Variants in LRRC37A2 observed in about 807,000 individuals in gnomAD.
LRRC37A2 encodes the protein leucine-rich repeat-containing protein 37A2.
LRRC37A2 carries 9 observed loss-of-function variants against 68.8 expected under a neutral mutation model. The ratio of observed to expected loss-of-function variants is 0.13; its 90% CI spans 0.08 to 0.23. The LOEUF is 0.23. LRRC37A2 is among the 10% of genes least tolerant of loss of function. The pLI, the probability that LRRC37A2 is intolerant of heterozygous loss-of-function variation, is 1.00. For synonymous variants in LRRC37A2, 63 were observed against 367.6 expected (o/e 0.17, Z 9.48); for missense variants, 168 against 950.4 (o/e 0.18, Z 10.82).
At chr17:47,037,370 G>A in the LRRC37A2 span, among the ~76,000 whole-genome samples, 1 of 152,082 alleles carries the variant, frequency 6.6e-6, no homozygotes, top group African/African-American at 2.4e-5. Flanking sequence ...CTCCCAAAGT[G>A]CTGGGATTAC....
the LRRC37A2 span, among the ~76,000 whole-genome samples, chr17:47,047,759 C>A: frequency 7.2e-5 from 11 of 151,822 alleles, no homozygotes; most frequent in Non-Finnish European, 1.2e-4. Flanking sequence ...GGTTCCATAA[C>A]CAGAAATTGC....
chr17:47,019,676 C>A, the LRRC37A2 span: 3 of 1,401,898 alleles, frequency 2.1e-6, no homozygotes, highest in East Asian at 2.3e-5. Flanking sequence ...CCACAAGCAC[C>A]AACATATGTG....
chr17:46,458,528 CTTCTTTTTTTTTT>C, the LRRC37A2 span, among the ~76,000 whole-genome samples: 2 of 52,538 alleles, frequency 3.8e-5, no homozygotes, highest in African/African-American at 6.6e-5. Flanking sequence ...AATTCTTCTT[CTTCTTTTTTTTTT>C]TTTTTTTTTT....
the LRRC37A2 span, among the ~76,000 whole-genome samples, chr17:46,626,007 T>A: frequency 1.3e-4 from 19 of 149,410 alleles, no homozygotes; most frequent in Non-Finnish European, 2.5e-4. Flanking sequence ...TTTTTTTTTT[T>A]ATTTACAGGT....
At chr17:47,044,848 C>G in the LRRC37A2 span, among the ~76,000 whole-genome samples, 20 of 130,524 alleles carry the variant, frequency 1.5e-4, no homozygotes, top group African/African-American at 5.3e-4. Flanking sequence ...CCCATTTCTA[C>G]AAAATATATA....
chr17:46,708,088 CCT>C, the LRRC37A2 span, among the ~76,000 whole-genome samples: 1 of 151,072 alleles, frequency 6.6e-6, no homozygotes. Flanking sequence ...GTTATCCATT[CCT>C]CTGTCAATGG....
chr17:46,943,909 C>G, the LRRC37A2 span, among the ~76,000 whole-genome samples: 1 of 152,172 alleles, frequency 6.6e-6, no homozygotes, highest in African/African-American at 2.4e-5. Flanking sequence ...ATCCCTCGGT[C>G]TGATGGTCAC....
At chr17:46,783,243 G>T in the LRRC37A2 span, among the ~76,000 whole-genome samples, 1 of 152,216 alleles carries the variant, frequency 6.6e-6, no homozygotes, top group Admixed American at 6.5e-5. Context: ...GCAGCTGCCC[G>T]GGCTCTAAGC....
chr17:46,868,110 T>G, the LRRC37A2 span, among the ~76,000 whole-genome samples: 3 of 152,126 alleles, frequency 2.0e-5, no homozygotes, highest in Non-Finnish European at 4.4e-5. Context: ...CCAAAGCAGG[T>G]GCAGCCTGAT....
the LRRC37A2 span, among the ~76,000 whole-genome samples, chr17:46,793,077 C>T: frequency 5.5e-5 from 8 of 146,720 alleles, no homozygotes; most frequent in Non-Finnish European, 1.0e-4. Context: ...CTAGCCTAGC[C>T]GAGAAAGCAA....
At chr17:46,907,797 A>C in the LRRC37A2 span, among the ~76,000 whole-genome samples, 2 of 151,442 alleles carry the variant, frequency 1.3e-5, no homozygotes, top group Non-Finnish European at 2.9e-5. Flanking sequence ...TTGAGGTTGC[A>C]GTGAGCCATG....
chr17:46,549,375 C>T, exon 10 of LRRC37A2: 1 of 1,556,810 alleles, frequency 6.4e-7, no homozygotes. Context: ...CAGAAGGAAC[C>T]ATCTCTGAAA....
chr17:46,492,442 C>T, the LRRC37A2 span, among the ~76,000 whole-genome samples: 3 of 150,876 alleles, frequency 2.0e-5, no homozygotes, highest in Non-Finnish European at 4.4e-5. Context: ...TCAATTATTT[C>T]TAGTTTGTGG....
chr17:47,038,450 T>TA, the LRRC37A2 span, among the ~76,000 whole-genome samples: 1 of 151,916 alleles, frequency 6.6e-6, no homozygotes, highest in Non-Finnish European at 1.5e-5. Context: ...ACCCTATCTC[T>TA]AAAAATTTTT....
chr17:46,736,249 A>G, the LRRC37A2 span, among the ~76,000 whole-genome samples: 27 of 152,212 alleles, frequency 1.8e-4, no homozygotes, highest in Admixed American at 3.3e-4. Context: ...AATTGCCAAG[A>G]TCAGTAGGCC....
the LRRC37A2 span, among the ~76,000 whole-genome samples, chr17:46,947,915 T>C: frequency 6.6e-6 from 1 of 152,182 alleles, no homozygotes; most frequent in African/African-American, 2.4e-5. Context: ...ATTACAGGCA[T>C]GTGCCACCAC....
chr17:46,795,618 G>A, the LRRC37A2 span, among the ~76,000 whole-genome samples: 2 of 152,158 alleles, frequency 1.3e-5, no homozygotes, highest in Admixed American at 6.5e-5. Flanking sequence ...AACATTTCCC[G>A]GCACACAGGG....
chr17:47,000,033 TAA>T, the LRRC37A2 span, among the ~76,000 whole-genome samples: 71 of 21,402 alleles, frequency 3.3e-3, 10 homozygotes, highest in African/African-American at 5.9e-3. Flanking sequence ...TAAAATAAAA[TAA>T]AATAAAATAA....
the LRRC37A2 span, among the ~76,000 whole-genome samples, chr17:46,980,968 T>A: frequency 1.3e-5 from 2 of 152,194 alleles, no homozygotes; most frequent in Admixed American, 6.5e-5. Context: ...CCCAACATTG[T>A]TATCATTATT....
Sources: gnomAD v4.1 joint callset for allele counts (sites outside exome capture counted in the v4.1 genomes callset) on GRCh38, gnomAD v4.1.1 for gene constraint, MANE v1.5 for transcripts, NCBI Gene and HGNC (gene_info 2026-07-23, HGNC 2026-07-21) for gene names.